The following GDA variants were observed in gnomAD, a reference collection of about 807,000 sequenced individuals.
GDA encodes the protein cytoplasmic PSD-95 interactor.
GDA carries 18 observed loss-of-function variants against 59.6 expected under a neutral mutation model. The observed-to-expected ratio is 0.30, with a 90% CI of 0.21 to 0.45. The LOEUF (loss-of-function observed/expected upper bound fraction) is 0.45. Ranked by LOEUF, GDA falls within the 20% of genes least tolerant of loss-of-function variation. GDA has a pLI of 1.00. For missense variants in GDA, 427 were observed against 552.3 expected, an observed-to-expected ratio of 0.77 and a Z score of 2.27; for synonymous variants, 201 against 201.1, an observed-to-expected ratio of 1.00 and a Z score of 0.00.
chr9:72,199,577 A>C (rs182617923), intron 2 of GDA, among the ~76,000 whole-genome samples: 15 of 152,208 alleles, frequency 9.9e-5, no homozygotes, highest in Admixed American at 3.3e-4. Flanking sequence ...GGCGCTCTCC[A>C]TCTGCACAGG....
chr9:72,204,854 G>A (rs1362895271), intron 3 of GDA, among the ~76,000 whole-genome samples: 1 of 152,166 alleles, frequency 6.6e-6, no homozygotes, highest in Non-Finnish European at 1.5e-5. Flanking sequence ...TGTCAGGCCT[G>A]TAATCCTAGC....
At chr9:72,213,146 T>G (rs1422185339) in intron 4 of GDA, among the ~76,000 whole-genome samples, 1 of 152,076 alleles carries the variant, frequency 6.6e-6, no homozygotes, top group Admixed American at 6.5e-5. Context: ...TGCGTGCCTG[T>G]AATCCAAGCT....
intron 3 of GDA, among the ~76,000 whole-genome samples, chr9:72,206,203 T>C (rs1834677483): frequency 1.3e-5 from 2 of 152,194 alleles, no homozygotes; most frequent in South Asian, 4.1e-4. Flanking sequence ...ATTTGACATT[T>C]TTTTCTATCT....
chr9:72,199,577 A>G (rs182617923), intron 2 of GDA, among the ~76,000 whole-genome samples: 251 of 152,326 alleles, frequency 1.6e-3, no homozygotes, highest in Middle Eastern at 3.4e-3. Context: ...GGCGCTCTCC[A>G]TCTGCACAGG....
chr9:72,248,881 G>T lies in GDA; in HGVS notation c.*539G>T, dbSNP rs1311115621. ...GAGAACTTGTTGAAATTTAAAACGT[G>T]TTTCTAGGTTGACCTTGTGTTTTAG... On this transcript the variant is annotated 3_prime_UTR_variant, in exon 14 of 14. Coordinates refer to ENST00000358399, the MANE Select transcript of GDA (RefSeq NM_004293.5). The T allele has an allele frequency of 1.0e-5, 10 of 985,552 alleles. No individual in the cohort carries two copies. The allele number at this position is 985,552 out of a possible 1,614,324, so 61.1% of individuals were successfully genotyped here.
chr9:72,253,800 G>A (rs140521204), downstream of GDA, among the ~76,000 whole-genome samples: 2 of 151,890 alleles, frequency 1.3e-5, no homozygotes, highest in Non-Finnish European at 2.9e-5. Context: ...ATATATAAAC[G>A]TGCAAATTAT....
At chr9:72,154,430 G>C (rs893787670) in intron 1 of GDA, among the ~76,000 whole-genome samples, 1 of 152,104 alleles carries the variant, frequency 6.6e-6, no homozygotes, top group Non-Finnish European at 1.5e-5. Flanking sequence ...TTAACCTCTT[G>C]CTCACTGTGA....
At chr9:72,223,015 G>A (rs34208420) in intron 6 of GDA, 105 bp from the exon 7 acceptor site, 92,895 of 636,296 alleles carry the variant, frequency 0.15, 7,694 homozygotes, top group Middle Eastern at 0.26. Context: ...GCCCTTCCAG[G>A]GTTTTTATAG....
At chr9:72,142,275 G>C (rs182331309) in intron 1 of GDA, among the ~76,000 whole-genome samples, 1 of 152,184 alleles carries the variant, frequency 6.6e-6, no homozygotes, top group East Asian at 1.9e-4. Context: ...TAAAACTTAA[G>C]GTATGTAAGT....
At chr9:72,116,092 G>A (rs992279135) in intron 1 of GDA, among the ~76,000 whole-genome samples, 2 of 151,974 alleles carry the variant, frequency 1.3e-5, no homozygotes, top group South Asian at 4.2e-4. Context: ...AAATTAGCTG[G>A]CTGTGATGGT....
chr9:72,145,326 C>T (rs1826589380), upstream of GDA, among the ~76,000 whole-genome samples: 2 of 152,146 alleles, frequency 1.3e-5, no homozygotes, highest in African/African-American at 4.8e-5. Context: ...TGGGAGTTTA[C>T]TGTGATGAGA....
At chr9:72,233,406 A>G (rs1169191998) in intron 10 of GDA, among the ~76,000 whole-genome samples, 1 of 152,230 alleles carries the variant, frequency 6.6e-6, no homozygotes, top group Admixed American at 6.5e-5. Context: ...GGAGTACAGG[A>G]AATCATGGTT....
chr9:72,132,645 C>A (rs1187038713), intron 1 of GDA, among the ~76,000 whole-genome samples: 1 of 152,106 alleles, frequency 6.6e-6, no homozygotes, highest in Non-Finnish European at 1.5e-5. Flanking sequence ...CCTGTACCCC[C>A]AAAAATGCCC....
In GDA at chr9:72,149,474, C is replaced by CGCCCGCAGCT; in HGVS notation, c.-83_-74dup. 2 of 1,499,166 alleles carry CGCCCGCAGCT rather than the reference C, an allele frequency of 1.3e-6. No individual in the cohort carries two copies. The highest frequency in any genetic ancestry group is 3.7e-5 in the Admixed American group (2 of 53,968). The allele number at this position is 1,499,166 out of a possible 1,614,324, so 92.9% of individuals were successfully genotyped here. A position where few individuals can be genotyped will look rare whatever the true frequency, so the allele number is the denominator to read the frequency against. ...CCGGAGCCTGTGTCCGCCCGGCAGC[C>CGCCCGCAGCT]GCCCGCAGCTGCAGAGAGTCCCGCT... On this transcript the variant is annotated 5_prime_UTR_variant, in exon 1 of 14. Coordinates refer to ENST00000358399, the MANE Select transcript of GDA (RefSeq NM_004293.5).
chr9:72,179,917 A>C (rs963544823), intron 1 of GDA, among the ~76,000 whole-genome samples: 1 of 151,914 alleles, frequency 6.6e-6, no homozygotes, highest in African/African-American at 2.4e-5. Context: ...ATTTCATTTT[A>C]ACTTGATTAC....
intron 3 of GDA, among the ~76,000 whole-genome samples, chr9:72,206,236 G>A (rs1834682865): frequency 6.6e-6 from 1 of 152,060 alleles, no homozygotes; most frequent in South Asian, 2.1e-4. Context: ...GTTGTTAAAA[G>A]TCTTGAACAC....
At chr9:72,184,460 A>C (rs1405847424) in intron 1 of GDA, among the ~76,000 whole-genome samples, 2 of 152,200 alleles carry the variant, frequency 1.3e-5, no homozygotes, top group Non-Finnish European at 1.5e-5. Flanking sequence ...TATAATATGA[A>C]GCTCTTTCAG....
At chr9:72,259,145 C>A (rs1294422375), downstream of GDA, among the ~76,000 whole-genome samples, 3 of 152,020 alleles carry the variant, frequency 2.0e-5, no homozygotes, top group East Asian at 5.8e-4. Context: ...CTGCCTCAGC[C>A]TCCCAAGTAG....
intron 1 of GDA, among the ~76,000 whole-genome samples, chr9:72,126,056 A>G (rs1001883053): frequency 1.3e-5 from 2 of 152,188 alleles, no homozygotes; most frequent in Admixed American, 6.5e-5. Flanking sequence ...AGCTAGGACT[A>G]GAGGCATGTG....
Sources: allele counts gnomAD v4.1 joint callset (sites outside exome capture counted in the v4.1 genomes callset), GRCh38; gene constraint gnomAD v4.1.1; transcripts MANE v1.5; gene names NCBI Gene and HGNC (gene_info 2026-07-23, HGNC 2026-07-21).